SSU72: variants seen among roughly 807,000 people sequenced by gnomAD.
SSU72 encodes the protein SSU72 homolog, RNA polymerase II CTD phosphatase, also known as RNA polymerase II subunit A C-terminal domain phosphatase SSU72.
In SSU72, 12 loss-of-function variants were observed where a neutral mutation model predicts 22.7. That is an observed-to-expected ratio of 0.53 (90% CI 0.34 to 0.86). The LOEUF is 0.86. Among genes scored for constraint, SSU72 ranks in the 40% least tolerant of loss-of-function variants. SSU72 has a pLI of 0.02. For missense variants in SSU72, 151 were observed against 249.8 expected, an observed-to-expected ratio of 0.60 and a Z score of 2.67; for synonymous variants, 116 against 98.3, an observed-to-expected ratio of 1.18 and a Z score of -1.06.
At chr1:1,557,610 C>T (rs1352699657) in intron 2 of SSU72, among the ~76,000 whole-genome samples, 2 of 151,928 alleles carry the variant, frequency 1.3e-5, no homozygotes, top group African/African-American at 2.4e-5. Context: ...GTCTGGCCAA[C>T]GTGGTGAAAC....
chr1:1,562,641 C>T (rs537415518), intron 2 of SSU72: 1 of 152,466 alleles, frequency 6.6e-6, no homozygotes, highest in Non-Finnish European at 1.5e-5. Flanking sequence ...TGTGGCCACC[C>T]ATCGCCGTAA....
chr1:1,546,967 T>C (rs1229428777), intron 2 of SSU72, among the ~76,000 whole-genome samples: 1 of 150,904 alleles, frequency 6.6e-6, no homozygotes, highest in Non-Finnish European at 1.5e-5. Flanking sequence ...GAGGCGGAGC[T>C]TGCAGTGAGC....
intron 3 of SSU72, chr1:1,544,511 G>A (rs951961005): frequency 1.8e-5 from 6 of 328,686 alleles, no homozygotes; most frequent in African/African-American, 4.3e-5. Flanking sequence ...CCAGCTACTC[G>A]GGAGGCTGAG....
chr1:1,565,933 TAA>T (rs558512282), intron 1 of SSU72, among the ~76,000 whole-genome samples: 1 of 152,060 alleles, frequency 6.6e-6, no homozygotes, highest in Non-Finnish European at 1.5e-5. Context: ...CAAGCACACT[TAA>T]GTTTGTCACA....
chr1:1,543,293 A>T (rs1642347087), intron 4 of SSU72, among the ~76,000 whole-genome samples: 1 of 152,178 alleles, frequency 6.6e-6, no homozygotes, highest in Admixed American at 6.5e-5. Context: ...CACGTGGGGC[A>T]CACCTCCGAC....
chr1:1,542,185 T>C lies in SSU72; in HGVS notation c.484-18A>G, dbSNP rs1210408482. 1.3e-6 allele frequency: 2 copies of C among 1,566,610 alleles called. No individual in the cohort carries two copies. Among genetic ancestry groups the C allele is most frequent in the Non-Finnish European group, 1.7e-6 (2 of 1,155,192 alleles). On this transcript the variant is annotated intron_variant, in intron 4 of 4. Coordinates refer to ENST00000291386, the MANE Select transcript of SSU72 (RefSeq NM_014188.3). The surrounding 1 kb of genome is among the most constrained non-coding windows in gnomAD (Gnocchi z 4.4). ...TGCTGGATCTGCAAGGACAGGACCG[T>C]GGTGAGGGCCTTGCCCACTCCTGCC... is the stretch of plus-strand genomic sequence containing the variant.
chr1:1,560,473 A>G (rs545297482), intron 2 of SSU72, among the ~76,000 whole-genome samples: 278 of 152,180 alleles, frequency 1.8e-3, no homozygotes, highest in Non-Finnish European at 2.8e-3. Context: ...CTGCAAACCT[A>G]GACTCGTACC....
chr1:1,556,738 G>T (rs138971913), intron 2 of SSU72, among the ~76,000 whole-genome samples: 116 of 152,320 alleles, frequency 7.6e-4, no homozygotes, highest in African/African-American at 2.8e-3. Context: ...CCATGGCCTT[G>T]CGACTGCAGG....
chr1:1,544,771 C>T (rs964938854), intron 3 of SSU72, 92 bp downstream of exon 3: 22 of 1,580,240 alleles, frequency 1.4e-5, no homozygotes, highest in Middle Eastern at 1.7e-4. Context: ...CCACTCTAGA[C>T]GGGCTGTACT....
chr1:1,553,447 A>G (rs1166725587), intron 2 of SSU72, among the ~76,000 whole-genome samples: 5 of 152,098 alleles, frequency 3.3e-5, no homozygotes, highest in African/African-American at 1.2e-4. Context: ...CCTTGCTAAC[A>G]TGGTGAAACC....
In SSU72 at chr1:1,571,244, C is replaced by CAAAAAAA. The variant is rs753699933; in HGVS notation, c.80+3227_80+3233dup. 6.6e-4 allele frequency among the ~76,000 whole-genome samples: 31 copies of CAAAAAAA among 46,900 alleles called. 4 individuals carry two copies. The highest frequency in any genetic ancestry group is 0.03 in the Middle Eastern group (2 of 66). 30.8% of individuals were successfully genotyped at this position (46,900 alleles called of 152,430 possible). Reference sequence around the variant, plus strand: ...TGGGCGACAGAGTGAGACTCCATCTCAAAAAAAAAAAAAAAAAAAAAAAAA... The same window carrying CAAAAAAA: ...TGGGCGACAGAGTGAGACTCCATCTCAAAAAAAAAAAAAAAAAAAAAAAAAAAAAAAA... On this transcript the variant is annotated intron_variant, in intron 1 of 4. Transcript: ENST00000291386.
In SSU72 at chr1:1,542,232, GGATC is replaced by G; in HGVS notation, c.484-69_484-66del. The G allele has an allele frequency of 3.4e-6, 5 of 1,467,744 alleles. No individual in the cohort carries two copies. In the African/African-American group the frequency reaches 5.6e-5, roughly 16 times the overall value. 90.9% of individuals were successfully genotyped at this position (1,467,744 alleles called of 1,614,324 possible). A position where few individuals can be genotyped will look rare whatever the true frequency, so the allele number is the denominator to read the frequency against. ...TGCCTGTCTGCTCCCCCTAACACCTGGATCGCCAGGGAAACGCCAGGCCTGAGCC... is the reference window on the plus strand; with the variant it reads ...TGCCTGTCTGCTCCCCCTAACACCTGGCCAGGGAAACGCCAGGCCTGAGCC... On this transcript the variant is annotated intron_variant, in intron 4 of 4. Transcript: ENST00000291386. The surrounding 1 kb of genome is among the most constrained non-coding windows in gnomAD (Gnocchi z 4.4).
At chr1:1,559,088 G>A (rs539381369) in intron 2 of SSU72, among the ~76,000 whole-genome samples, 3 of 152,362 alleles carry the variant, frequency 2.0e-5, no homozygotes, top group African/African-American at 4.8e-5. Flanking sequence ...GACACCCAGC[G>A]CAAAGCTGCT....
intron 2 of SSU72, among the ~76,000 whole-genome samples, chr1:1,556,398 G>T (rs913700644): frequency 6.6e-6 from 1 of 152,072 alleles, no homozygotes; most frequent in African/African-American, 2.4e-5. Flanking sequence ...AAATTAGCCG[G>T]ACGTGGTGGG....
chr1:1,556,876 C>T (rs1215055921), intron 2 of SSU72, among the ~76,000 whole-genome samples: 2 of 152,232 alleles, frequency 1.3e-5, no homozygotes, highest in East Asian at 3.9e-4. Context: ...TGCATTCTGT[C>T]CAGACCCTCA....
chr1:1,563,321 C>T (rs1642618416), intron 2 of SSU72: 1 of 148,318 alleles, frequency 6.7e-6, no homozygotes, highest in South Asian at 2.1e-4. Flanking sequence ...ATCACGAGGT[C>T]AAGAGTTCAA....
At chr1:1,562,764 A>C (rs1557503320) in intron 2 of SSU72, 1 of 152,308 alleles carries the variant, frequency 6.6e-6, no homozygotes, top group Non-Finnish European at 1.5e-5. Flanking sequence ...ACGGGAGCAG[A>C]GCCATGTCGA....
chr1:1,574,686 G>T lies in SSU72; in HGVS notation c.-129C>A. 4 of 938,196 alleles carry T rather than the reference G, an allele frequency of 4.3e-6. No individual in the cohort carries two copies. The highest frequency in any genetic ancestry group is 3.0e-6 in the Non-Finnish European group (2 of 677,804). 58.1% of individuals were successfully genotyped at this position (938,196 alleles called of 1,614,324 possible). A position where few individuals can be genotyped will look rare whatever the true frequency, so the allele number is the denominator to read the frequency against. ...GCGAAACGACGGCGCCGGCGGTGTA[G>T]CGTGCGGCGACTGCGCGGCGGCCTC... On this transcript the variant is annotated 5_prime_UTR_variant, in exon 1 of 5. Coordinates refer to ENST00000291386, the MANE Select transcript of SSU72 (RefSeq NM_014188.3).
intron 1 of SSU72, among the ~76,000 whole-genome samples, chr1:1,571,576 G>A (rs1056564901): frequency 1.3e-5 from 2 of 151,842 alleles, no homozygotes; most frequent in African/African-American, 4.8e-5. Context: ...GAGTAAATTT[G>A]AATGATGGCG....
Sources: allele counts gnomAD v4.1 joint callset (sites outside exome capture counted in the v4.1 genomes callset), GRCh38; gene constraint gnomAD v4.1.1; non-coding constraint Gnocchi (gnomAD v3.1); transcripts MANE v1.5; gene names NCBI Gene and HGNC (gene_info 2026-07-23, HGNC 2026-07-21).